Variants in CCDC7 observed in about 807,000 individuals in gnomAD.
CCDC7 encodes coiled-coil domain-containing protein 7.
CCDC7 carries 183 observed loss-of-function variants against 196.9 expected under a neutral mutation model. That is an observed-to-expected ratio of 0.93 (90% CI 0.82 to 1.05). CCDC7 has a LOEUF of 1.05. CCDC7 is among the 50% of genes least tolerant of loss of function. The pLI, the probability that CCDC7 is intolerant of heterozygous loss-of-function variation, is 0.00. For synonymous variants in CCDC7, 525 were observed against 484.6 expected, an observed-to-expected ratio of 1.08 and a Z score of -1.10; for missense variants, 1,540 against 1,482.2, an observed-to-expected ratio of 1.04 and a Z score of -0.64.
intron 9 of CCDC7, among the ~76,000 whole-genome samples, chr10:32,506,387 G>T (rs1448903828): frequency 6.6e-6 from 1 of 152,140 alleles, no homozygotes; most frequent in Non-Finnish European, 1.5e-5. Flanking sequence ...GCCGGGCAGA[G>T]GGGCTCCTCA....
At chr10:32,583,637 A>C (rs2058954122) in intron 17 of CCDC7, among the ~76,000 whole-genome samples, 1 of 152,236 alleles carries the variant, frequency 6.6e-6, no homozygotes, top group South Asian at 2.1e-4. Flanking sequence ...AAAAATTTTT[A>C]TACAATAAGA....
exon 32 of CCDC7, chr10:32,824,543 A>T (rs1343040180): frequency 6.2e-7 from 1 of 1,611,830 alleles, no homozygotes; most frequent in East Asian, 2.2e-5. Flanking sequence ...TGCATAGTAC[A>T]ACTGAGAGAG....
intron 21 of CCDC7, among the ~76,000 whole-genome samples, chr10:32,680,605 C>T (rs1025801992): frequency 6.7e-6 from 1 of 149,306 alleles, no homozygotes; most frequent in Non-Finnish European, 1.5e-5. Flanking sequence ...ATGATGTTCC[C>T]CACCCTGGGG....
exon 28 of CCDC7, chr10:32,729,381 G>T: frequency 1.3e-6 from 2 of 1,543,848 alleles, no homozygotes; most frequent in Non-Finnish European, 1.8e-6. Context: ...AACATCTGTT[G>T]CCTGAGGAGA....
At chr10:32,655,946 A>C (rs183316991) in intron 20 of CCDC7, among the ~76,000 whole-genome samples, 1 of 152,232 alleles carries the variant, frequency 6.6e-6, no homozygotes, top group Non-Finnish European at 1.5e-5. Context: ...ACGTATTTTG[A>C]CTATTAACTC....
chr10:32,586,048 C>CT (rs1411634621), intron 18 of CCDC7, among the ~76,000 whole-genome samples: 1 of 152,160 alleles, frequency 6.6e-6, no homozygotes, highest in Non-Finnish European at 1.5e-5. Context: ...CGCTTCCTGA[C>CT]TTTTTAATGA....
intron 11 of CCDC7, among the ~76,000 whole-genome samples, chr10:32,526,337 G>A (rs544732891): frequency 1.3e-5 from 2 of 152,262 alleles, no homozygotes; most frequent in Admixed American, 6.5e-5. Flanking sequence ...CCCAGGTAAG[G>A]TCCAGAAATA....
At chr10:32,659,000 C>A (rs1358041747) in intron 20 of CCDC7, among the ~76,000 whole-genome samples, 1 of 147,900 alleles carries the variant, frequency 6.8e-6, no homozygotes. Flanking sequence ...GTTTTGTTGA[C>A]CATTTCTAGA....
chr10:32,760,243 G>T (rs2077214811), intron 28 of CCDC7, among the ~76,000 whole-genome samples: 1 of 152,038 alleles, frequency 6.6e-6, no homozygotes, highest in South Asian at 2.1e-4. Flanking sequence ...TCCCATTACT[G>T]GGTATATACC....
At chr10:32,453,344 G>C in exon 2 of CCDC7, 1 of 1,488,492 alleles carries the variant, frequency 6.7e-7, no homozygotes, top group Non-Finnish European at 8.9e-7. Context: ...TTTTTTACAG[G>C]TTGTTTCCAC....
rs180708407 is a variant in CCDC7, at chr10:32,577,395, A to G, written c.1454+5502A>G. On this transcript the variant is annotated intron_variant, in intron 16 of 41. Coordinates refer to ENST00000639629, the Ensembl canonical transcript of CCDC7. ...TAAAGAGTTCTGTCCTAGGGAACCC[A>G]ATAGCCTGACAGTGTAACTAGGCTC... Among the ~76,000 whole-genome samples, 4 of 152,276 alleles carry G rather than the reference A, an allele frequency of 2.6e-5. No individual in the cohort carries two copies. In the East Asian group the frequency reaches 7.7e-4, roughly 29 times the overall value.
chr10:32,666,500 A>T (rs917805465), intron 21 of CCDC7, among the ~76,000 whole-genome samples: 24 of 151,766 alleles, frequency 1.6e-4, no homozygotes, highest in Admixed American at 1.3e-3. Context: ...TACATTAGGT[A>T]TAACTTCTAA....
At chr10:32,661,731 G>A (rs2071501324) in intron 20 of CCDC7, among the ~76,000 whole-genome samples, 1 of 152,182 alleles carries the variant, frequency 6.6e-6, no homozygotes, top group Non-Finnish European at 1.5e-5. Flanking sequence ...CTATCCTACT[G>A]TGGCTGAGCT....
At chr10:32,662,803 A>G (rs1420728398) in intron 20 of CCDC7, among the ~76,000 whole-genome samples, 1 of 152,204 alleles carries the variant, frequency 6.6e-6, no homozygotes, top group Non-Finnish European at 1.5e-5. Flanking sequence ...TGAGCTAGAT[A>G]ACCAATGAGA....
At chr10:32,660,587 C>T (rs1368538333) in intron 20 of CCDC7, among the ~76,000 whole-genome samples, 2 of 146,452 alleles carry the variant, frequency 1.4e-5, no homozygotes, top group South Asian at 2.3e-4. Flanking sequence ...AATAAACATA[C>T]GTGTGCATGT....
chr10:32,680,633 T>C (rs1299194289), intron 21 of CCDC7, among the ~76,000 whole-genome samples: 3 of 152,134 alleles, frequency 2.0e-5, no homozygotes, highest in Admixed American at 1.3e-4. Flanking sequence ...TATTTTCTTA[T>C]CTGGGTAAAG....
exon 25 of CCDC7, chr10:32,711,650 T>C (rs762296901): frequency 1.3e-6 from 2 of 1,591,972 alleles, no homozygotes; most frequent in East Asian, 4.6e-5. Context: ...GAAAATCCTA[T>C]GCTTAAACAT....
intron 13 of CCDC7, among the ~76,000 whole-genome samples, chr10:32,547,903 T>C (rs1020185535): frequency 5.3e-5 from 8 of 152,194 alleles, no homozygotes; most frequent in Non-Finnish European, 8.8e-5. Context: ...CCAAGCAGTA[T>C]ACACTGCACC....
At chr10:32,817,919 A>T (rs1238887533) in intron 31 of CCDC7, among the ~76,000 whole-genome samples, 1 of 152,206 alleles carries the variant, frequency 6.6e-6, no homozygotes, top group Non-Finnish European at 1.5e-5. Flanking sequence ...CTAGGAAGAA[A>T]CTGCATCAAC....
Sources: allele counts gnomAD v4.1 joint callset (sites outside exome capture counted in the v4.1 genomes callset), GRCh38; gene constraint gnomAD v4.1.1; transcripts MANE v1.5; gene names NCBI Gene and HGNC (gene_info 2026-07-23, HGNC 2026-07-21).